The following GPHN variants were observed in gnomAD, a reference collection of about 807,000 sequenced individuals.
GPHN encodes the protein gephyrin.
In GPHN, 17 loss-of-function variants were observed where a neutral mutation model predicts 95.5. That is an observed-to-expected ratio of 0.18 (90% CI 0.12 to 0.27). The LOEUF (loss-of-function observed/expected upper bound fraction) is 0.27. GPHN is among the 10% of genes least tolerant of loss of function. GPHN has a pLI of 1.00. For synonymous variants in GPHN, 320 were observed against 322.5 expected, an observed-to-expected ratio of 0.99 and a Z score of 0.08; for missense variants, 660 against 978.1, an observed-to-expected ratio of 0.67 and a Z score of 4.34.
the GPHN span, chr14:67,333,208 A>G: frequency 3.0e-6 from 1 of 338,468 alleles, no homozygotes; most frequent in Non-Finnish European, 5.4e-6. Flanking sequence ...AGCTTTCAAC[A>G]GAGCATTCCA....
the GPHN span, among the ~76,000 whole-genome samples, chr14:67,609,813 G>C: frequency 2.6e-5 from 4 of 152,134 alleles, no homozygotes; most frequent in East Asian, 5.8e-4. Context: ...GTGGGGATCC[G>C]CTAGGGGCTG....
intron 2 of GPHN, chr14:66,709,570 A>T: frequency 2.9e-6 from 1 of 340,026 alleles, no homozygotes; most frequent in South Asian, 2.3e-5. Flanking sequence ...CATACTCCTC[A>T]GACTGGCACA....
At chr14:67,390,912 A>G in the GPHN span, among the ~76,000 whole-genome samples, 1 of 151,968 alleles carries the variant, frequency 6.6e-6, no homozygotes, top group African/African-American at 2.4e-5. Flanking sequence ...CATGTCACAG[A>G]CCTCCCTGCC....
the GPHN span, among the ~76,000 whole-genome samples, chr14:67,394,916 C>G: frequency 2.6e-5 from 4 of 152,140 alleles, no homozygotes; most frequent in African/African-American, 9.7e-5. Context: ...CTGTGTGATG[C>G]CCTGCACTGC....
chr14:66,528,132 A>G (rs2058765094), intron 1 of GPHN, among the ~76,000 whole-genome samples: 1 of 152,208 alleles, frequency 6.6e-6, no homozygotes, highest in African/African-American at 2.4e-5. Context: ...AACTTGCATT[A>G]TGAATCTGGG....
intron 3 of GPHN, among the ~76,000 whole-genome samples, chr14:66,787,277 G>T (rs1003760603): frequency 2.0e-5 from 3 of 152,026 alleles, no homozygotes; most frequent in Non-Finnish European, 2.9e-5. Flanking sequence ...AAAATATCTA[G>T]ATACAAACTT....
the GPHN span, among the ~76,000 whole-genome samples, chr14:67,697,177 T>G: frequency 6.6e-6 from 1 of 152,202 alleles, no homozygotes; most frequent in African/African-American, 2.4e-5. Context: ...CCGGAGTTCA[T>G]GGACTGTCAG....
At chr14:66,791,059 A>C (rs1047386577) in intron 3 of GPHN, among the ~76,000 whole-genome samples, 1 of 152,198 alleles carries the variant, frequency 6.6e-6, no homozygotes, top group Non-Finnish European at 1.5e-5. Context: ...TAACCTTCCT[A>C]TGTTGGGCCT....
At chr14:67,116,774 C>T (rs1212123446) in intron 16 of GPHN, among the ~76,000 whole-genome samples, 1 of 152,176 alleles carries the variant, frequency 6.6e-6, no homozygotes, top group Non-Finnish European at 1.5e-5. Flanking sequence ...TTGTAAACCT[C>T]TGTATTTCTA....
intron 18 of GPHN, among the ~76,000 whole-genome samples, chr14:67,157,788 A>G (rs2081691052): frequency 6.6e-6 from 1 of 150,912 alleles, no homozygotes; most frequent in South Asian, 2.1e-4. Context: ...AGATCATGCC[A>G]CTGCACTCCA....
At chr14:67,520,157 G>T in the GPHN span, among the ~76,000 whole-genome samples, 1 of 152,136 alleles carries the variant, frequency 6.6e-6, no homozygotes, top group Non-Finnish European at 1.5e-5. Flanking sequence ...TCGTATATTT[G>T]TTACAACTGA....
chr14:66,883,754 T>C (rs2064043162), intron 5 of GPHN, among the ~76,000 whole-genome samples: 2 of 152,128 alleles, frequency 1.3e-5, no homozygotes, highest in Non-Finnish European at 2.9e-5. Flanking sequence ...TGTTAGTGTC[T>C]GCCCAGTACA....
chr14:66,563,299 C>T (rs907305673), intron 1 of GPHN, among the ~76,000 whole-genome samples: 58 of 152,218 alleles, frequency 3.8e-4, no homozygotes, highest in African/African-American at 9.4e-4. Context: ...ATTTAAGCTT[C>T]GTATCACATG....
chr14:67,532,478 T>A, the GPHN span, among the ~76,000 whole-genome samples: 2 of 152,176 alleles, frequency 1.3e-5, no homozygotes, highest in African/African-American at 4.8e-5. Flanking sequence ...ATGAGATTGC[T>A]TTGGGCGATC....
the GPHN span, among the ~76,000 whole-genome samples, chr14:67,254,729 C>T: frequency 6.6e-6 from 1 of 152,200 alleles, no homozygotes; most frequent in East Asian, 1.9e-4. Flanking sequence ...CCCCACCTGC[C>T]TTTAATGGCC....
chr14:67,732,640 G>T, the GPHN span, among the ~76,000 whole-genome samples: 3 of 151,860 alleles, frequency 2.0e-5, no homozygotes, highest in Non-Finnish European at 4.4e-5. Context: ...TCAGTGGCGT[G>T]ATCTCCACTC....
At chr14:66,994,530 G>A (rs999485874) in intron 9 of GPHN, among the ~76,000 whole-genome samples, 4 of 152,106 alleles carry the variant, frequency 2.6e-5, no homozygotes, top group South Asian at 2.1e-4. Context: ...TGCCCTCCTC[G>A]GAACTGACTT....
At chr14:66,717,881 G>T (rs1298632230) in intron 2 of GPHN, among the ~76,000 whole-genome samples, 1 of 152,196 alleles carries the variant, frequency 6.6e-6, no homozygotes, top group Non-Finnish European at 1.5e-5. Flanking sequence ...CTCAGCCGTG[G>T]ATACCAGCAG....
intron 4 of GPHN, among the ~76,000 whole-genome samples, chr14:66,850,846 C>T (rs1258390838): frequency 2.0e-5 from 3 of 151,982 alleles, no homozygotes; most frequent in Non-Finnish European, 4.4e-5. Flanking sequence ...AGTTACATTT[C>T]ATTGTGAAAC....
Sources: gnomAD v4.1 joint callset for allele counts (sites outside exome capture counted in the v4.1 genomes callset) on GRCh38, gnomAD v4.1.1 for gene constraint, MANE v1.5 for transcripts, NCBI Gene and HGNC (gene_info 2026-07-23, HGNC 2026-07-21) for gene names.